The following ARHGAP32 variants were observed in gnomAD, a reference collection of about 807,000 sequenced individuals.
ARHGAP32 encodes the protein Rho GTPase activating protein 32, also known as rho GTPase-activating protein 32.
In ARHGAP32, 51 loss-of-function variants were observed where a neutral mutation model predicts 186.5. The ratio of observed to expected loss-of-function variants is 0.27; its 90% confidence interval spans 0.22 to 0.35. The LOEUF (loss-of-function observed/expected upper bound fraction) is 0.35. ARHGAP32 is among the 10% of genes least tolerant of loss of function. The probability of loss-of-function intolerance (pLI) is 1.00; values close to 1 mark genes in which losing one functional copy is unlikely to be tolerated. For missense variants in ARHGAP32, 2,186 were observed against 2,623.5 expected, an observed-to-expected ratio of 0.83 and a Z score of 3.64; for synonymous variants, 950 against 964.3, an observed-to-expected ratio of 0.99 and a Z score of 0.27.
chr11:129,038,733 A>C (rs1939461309), intron 11 of ARHGAP32, among the ~76,000 whole-genome samples: 1 of 151,842 alleles, frequency 6.6e-6, no homozygotes, highest in South Asian at 2.1e-4. Context: ...CAAAAAATTT[A>C]AAAATTAGCT....
intron 2 of ARHGAP32, among the ~76,000 whole-genome samples, chr11:129,139,862 T>C (rs1943014644): frequency 6.6e-6 from 1 of 152,100 alleles, no homozygotes; most frequent in African/African-American, 2.4e-5. Flanking sequence ...TATTATGAAG[T>C]ATAAATACCA....
At chr11:129,013,424 T>C (rs1267787590) in intron 11 of ARHGAP32, among the ~76,000 whole-genome samples, 1 of 152,196 alleles carries the variant, frequency 6.6e-6, no homozygotes, top group Non-Finnish European at 1.5e-5. Flanking sequence ...TAATGGATAT[T>C]CATAATGGTG....
intron 1 of ARHGAP32, among the ~76,000 whole-genome samples, chr11:129,189,423 G>A (rs1944231777): frequency 6.6e-6 from 1 of 152,132 alleles, no homozygotes; most frequent in South Asian, 2.1e-4. Context: ...ATATGGCCTA[G>A]TACATTACAT....
intron 11 of ARHGAP32, among the ~76,000 whole-genome samples, chr11:129,025,135 A>G (rs997111046): frequency 6.6e-6 from 1 of 152,184 alleles, no homozygotes; most frequent in African/African-American, 2.4e-5. Flanking sequence ...ATTTAAAAAC[A>G]TTATTTATCC....
At chr11:129,049,288 C>T (rs555689566) in intron 10 of ARHGAP32, among the ~76,000 whole-genome samples, 116 of 152,130 alleles carry the variant, frequency 7.6e-4, no homozygotes, top group African/African-American at 2.5e-3. Context: ...TGAATGTAAA[C>T]GACACAGAGG....
intron 2 of ARHGAP32, among the ~76,000 whole-genome samples, chr11:129,134,389 G>A (rs569504108): frequency 5.3e-4 from 81 of 152,180 alleles, no homozygotes; most frequent in Admixed American, 9.2e-4. Context: ...CCTCACCAGC[G>A]TAATCAGGAA....
chr11:129,218,721 A>G (rs1944676119), intron 1 of ARHGAP32, among the ~76,000 whole-genome samples: 1 of 150,292 alleles, frequency 6.7e-6, no homozygotes, highest in Non-Finnish European at 1.5e-5. Flanking sequence ...ACTTCCACCC[A>G]GTGCTGAATG....
chr11:129,146,395 C>T (rs376081437), intron 2 of ARHGAP32, among the ~76,000 whole-genome samples: 1 of 152,024 alleles, frequency 6.6e-6, no homozygotes, highest in Non-Finnish European at 1.5e-5. Flanking sequence ...CTGTCTTGGC[C>T]AGGACATGAA....
chr11:128,995,094 C>G, intron 12 of ARHGAP32, among the ~76,000 whole-genome samples: 1 of 152,150 alleles, frequency 6.6e-6, no homozygotes, highest in Non-Finnish European at 1.5e-5. Flanking sequence ...ACAATATTCT[C>G]TAATACTTTA....
rs34506002 is a variant in ARHGAP32 at position 129,058,238 on chromosome 11, C to CTATATA, written c.963+4036_963+4041dup. ...ACACACACACTCTCTCTCTCTCTCT[C>CTATATA]TATATATATATATATCTCATATACA... is the stretch of plus-strand genomic sequence containing the variant. On this transcript the variant is annotated intron_variant, in intron 10 of 22. Transcript: ENST00000682385. Among the ~76,000 whole-genome samples the CTATATA allele has an allele frequency of 2.9e-4, 40 of 138,904 alleles. 1 individual carries two copies. Among genetic ancestry groups the CTATATA allele is most frequent in the East Asian group, 1.9e-3 (9 of 4,710 alleles). 91.1% of individuals were successfully genotyped at this position (138,904 alleles called of 152,430 possible). A position where few individuals can be genotyped will look rare whatever the true frequency, so the allele number is the denominator to read the frequency against.
At chr11:129,237,596 T>A (rs1050428946) in intron 1 of ARHGAP32, among the ~76,000 whole-genome samples, 1 of 152,030 alleles carries the variant, frequency 6.6e-6, no homozygotes, top group Non-Finnish European at 1.5e-5. Context: ...ATGAACTGAG[T>A]GCATTACGTG....
intron 2 of ARHGAP32, among the ~76,000 whole-genome samples, chr11:129,156,713 G>A (rs1565447916): frequency 6.6e-6 from 1 of 152,204 alleles, no homozygotes; most frequent in Non-Finnish European, 1.5e-5. Flanking sequence ...TCCCAGCACA[G>A]CGCTGGAGCT....
chr11:129,230,659 T>A (rs1420674914), intron 1 of ARHGAP32, among the ~76,000 whole-genome samples: 1 of 152,200 alleles, frequency 6.6e-6, no homozygotes, highest in African/African-American at 2.4e-5. Flanking sequence ...TTATTTCTCA[T>A]GTATAATATT....
chr11:128,992,447 C>A (rs10893946), intron 12 of ARHGAP32, among the ~76,000 whole-genome samples: 57,541 of 150,924 alleles, frequency 0.38, 11,183 homozygotes, highest in Middle Eastern at 0.51. Flanking sequence ...ACCACCACCA[C>A]CAACAACAAC....
intron 8 of ARHGAP32, among the ~76,000 whole-genome samples, chr11:129,064,486 A>G (rs1257326669): frequency 6.6e-6 from 1 of 152,150 alleles, no homozygotes; most frequent in Non-Finnish European, 1.5e-5. Context: ...TTACTCTTAA[A>G]AAGGACCCTT....
chr11:129,158,214 C>T (rs921057689), intron 2 of ARHGAP32, among the ~76,000 whole-genome samples: 1 of 152,072 alleles, frequency 6.6e-6, no homozygotes, highest in Non-Finnish European at 1.5e-5. Flanking sequence ...GGATCAATTT[C>T]GCACATAACA....
chr11:129,193,724 T>A (rs560505369), upstream of ARHGAP32, among the ~76,000 whole-genome samples: 72 of 76,382 alleles, frequency 9.4e-4, no homozygotes, highest in African/African-American at 3.4e-3. Flanking sequence ...ATATTATATA[T>A]TATATATAAT....
chr11:129,126,628 C>T (rs1942667890), intron 2 of ARHGAP32, among the ~76,000 whole-genome samples: 1 of 152,026 alleles, frequency 6.6e-6, no homozygotes, highest in Admixed American at 6.5e-5. Context: ...CAACAGCACT[C>T]TAGACTCTAA....
At chr11:129,088,544 C>T (rs1445278071) in intron 6 of ARHGAP32, among the ~76,000 whole-genome samples, 1 of 152,208 alleles carries the variant, frequency 6.6e-6, no homozygotes, top group African/African-American at 2.4e-5. Flanking sequence ...CACACCACTG[C>T]ACTCCAGACT....
Sources: allele counts gnomAD v4.1 joint callset (sites outside exome capture counted in the v4.1 genomes callset), GRCh38; gene constraint gnomAD v4.1.1; transcripts MANE v1.5; gene names NCBI Gene and HGNC (gene_info 2026-07-23, HGNC 2026-07-21).